The following PIGO variants were observed in gnomAD, a reference collection of about 807,000 sequenced individuals.
PIGO encodes GPI ethanolamine phosphate transferase 3, catalytic subunit.
Under a neutral mutation model 86.9 loss-of-function variants are expected in PIGO, and 66 were observed. The observed-to-expected ratio is 0.76, with a 90% confidence interval of 0.62 to 0.93. The LOEUF is 0.93. Among genes scored for constraint, PIGO ranks in the 40% least tolerant of loss-of-function variants. The probability of loss-of-function intolerance (pLI) is 0.00; values close to 1 mark genes in which losing one functional copy is unlikely to be tolerated. For synonymous variants in PIGO, 570 were observed against 556.4 expected, an observed-to-expected ratio of 1.02 and a Z score of -0.34; for missense variants, 1,202 against 1,359.1, an observed-to-expected ratio of 0.88 and a Z score of 1.82.
intron 6 of PIGO, 62 bp downstream of exon 6, chr9:35,092,968 C>T: frequency 6.5e-7 from 1 of 1,537,056 alleles, no homozygotes; most frequent in Non-Finnish European, 8.8e-7. Context: ...AAGAGTGGTT[C>T]ATTATGCTTC....
Position 35,090,592 on chromosome 9 carries a change from G to A in PIGO, c.2728C>T (p.Pro910Ser). Residue 910 changes from proline (P) to serine (S), a missense_variant, in exon 8 of 11, where the codon CCT becomes TCT. Physicochemically the swap from Pro to Ser is moderately conservative, Grantham distance 74. Coordinates refer to ENST00000378617, the MANE Select transcript of PIGO (RefSeq NM_032634.4). ...TQTFYSTGHQ[P>S]VFPAIHWHAA... ...TGCCAATGGATGGCTGGAAAGACAG[G>A]CTGGTGGCCTGTGGAGTAGAAGGTC... 6.2e-7 allele frequency: 1 copy of A among 1,614,224 alleles called. No homozygotes were observed. Among genetic ancestry groups the A allele is most frequent in the Non-Finnish European group, 8.5e-7 (1 of 1,180,048 alleles).
Position 35,091,762 on chromosome 9 carries a change from G to A in PIGO, c.2125C>T (p.Pro709Ser), listed in dbSNP as rs1175099393. 1 of 1,611,940 alleles carries A rather than the reference G, an allele frequency of 6.2e-7. No homozygotes were observed. Among genetic ancestry groups the A allele is most frequent in the Non-Finnish European group, 8.5e-7 (1 of 1,180,022 alleles). The change falls in exon 7 of 11, where the codon CCC becomes TCC. Residue 709 changes from proline (P) to serine (S), a missense_variant. Coordinates refer to ENST00000378617, the MANE Select transcript of PIGO (RefSeq NM_032634.4). ...PPMLFVRWGLPLMALGTAAYW... is the reference protein window; with the variant it reads ...PPMLFVRWGLSLMALGTAAYW... ...GCAGCAGTACCCAATGCCATTAGGG[G>A]CAGTCCCCAGCGCACAAAGAGCATG...
At position 35,088,920 on chromosome 9, in the gene PIGO, A is replaced by T. The variant is rs1024512842; in HGVS notation, c.*172T>A. 8 of 897,708 alleles carry T rather than the reference A, an allele frequency of 8.9e-6. No homozygotes were observed. Among genetic ancestry groups the T allele is most frequent in the Non-Finnish European group, 1.3e-5 (8 of 594,536 alleles). The allele number at this position is 897,708 out of a possible 1,614,324, so 55.6% of individuals were successfully genotyped here. On this transcript the variant is annotated 3_prime_UTR_variant, in exon 11 of 11. Transcript: ENST00000378617. The stretch of plus-strand genomic sequence containing the variant: ...AATCAGGAGTTAGGGATCATACTCC[A>T]CTGTGGTCCTGAATTATAGAATAAT...
At position 35,088,966 on chromosome 9, in the gene PIGO, C is replaced by A. The variant is rs1385781255; in HGVS notation, c.*126G>T. ...ATAATGAAGTCCTAGATGTCAGCGG[C>A]CCCTGGCTGCATGATAGTAAGAGTA... On this transcript the variant is annotated 3_prime_UTR_variant, in exon 11 of 11. Transcript: ENST00000378617. 3 of 1,317,532 alleles carry A rather than the reference C, an allele frequency of 2.3e-6. No individual in the cohort carries two copies. The East Asian group carries it at 7.0e-5, about 31-fold the overall frequency. 81.6% of individuals were successfully genotyped at this position (1,317,532 alleles called of 1,614,324 possible). A position where few individuals can be genotyped will look rare whatever the true frequency, so the allele number is the denominator to read the frequency against.
rs1829627973 is a variant in PIGO at position 35,095,437 on chromosome 9, C to G, written c.129G>C (p.Glu43Asp). The G allele has an allele frequency of 1.9e-6, 3 of 1,614,032 alleles. No homozygotes were observed. The highest frequency in any genetic ancestry group is 2.2e-5 in the South Asian group (2 of 91,082). Residue 43 changes from glutamate (E) to aspartate (D), a missense_variant, in exon 2 of 11, where the codon GAG becomes GAC. Physicochemically the swap from Glu to Asp is conservative, Grantham distance 45. Coordinates refer to ENST00000378617, the MANE Select transcript of PIGO (RefSeq NM_032634.4). ...ATGGCAGGGACCCAGGGCCTGGGGG[C>G]TCTTGGCAGCTGCTATGGTTGGTGA... ...LELTNHSSCQ[E>D]PPGPGSLPWG...
rs757240040 is a variant in PIGO, at chr9:35,090,088, T to C, written c.3047A>G (p.Tyr1016Cys). The C allele has an allele frequency of 6.2e-7, 1 of 1,613,946 alleles. No homozygotes were observed. Among genetic ancestry groups the C allele is most frequent in the African/African-American group, 1.3e-5 (1 of 75,012 alleles). The change falls in exon 9 of 11, where the codon TAC becomes TGC. Residue 1016 changes from tyrosine to cysteine, a missense_variant. Coordinates refer to ENST00000378617, the MANE Select transcript of PIGO (RefSeq NM_032634.4). ...YAALLQLGLK[Y>C]LFILGIQILA... ...CACCTGAATACCAAGGATAAAGAGG[T>C]ACTTGAGGCCCAGCTGCAGCAGTGC...
chr9:35,089,794 A>C (rs1829330428), intron 9 of PIGO: 1 of 1,394,144 alleles, frequency 7.2e-7, no homozygotes, highest in African/African-American at 1.4e-5. Context: ...CTATCACCTC[A>C]GTTTTTCCAG....
In PIGO at chr9:35,091,807, G is replaced by A; in HGVS notation, c.2080C>T (p.Leu694Phe). The change falls in exon 7 of 11, where the codon CTC becomes TTC. Residue 694 changes from leucine to phenylalanine, a missense_variant. Coordinates refer to ENST00000378617, the MANE Select transcript of PIGO (RefSeq NM_032634.4). ...AGCATGGGTGGCTCGGGGCTCTTGA[G>A]ATTACCATAGCGGCGAAGCCACAAG... ...VRLWLRRYGN[L>F]KSPEPPMLFV... The A allele has an allele frequency of 6.2e-7, 1 of 1,613,494 alleles. No individual in the cohort carries two copies. The highest frequency in any genetic ancestry group is 8.5e-7 in the Non-Finnish European group (1 of 1,180,026).
chr9:35,089,866 G>T, intron 9 of PIGO, 200 bp downstream of exon 9: 1 of 1,420,876 alleles, frequency 7.0e-7, no homozygotes, highest in Non-Finnish European at 9.2e-7. Context: ...AGGTTGTAGA[G>T]GGGAAATGAT....
In PIGO at chr9:35,092,100, G is replaced by A. The variant is rs865860019; in HGVS notation, c.1787C>T (p.Pro596Leu). 1 of 1,614,260 alleles carries A rather than the reference G, an allele frequency of 6.2e-7. No homozygotes were observed. Among genetic ancestry groups the A allele is most frequent in the Non-Finnish European group, 8.5e-7 (1 of 1,180,050 alleles). ...GCGGGGCATTGTGAGTAGCTTAGGT[G>A]GAAGCAGCTGGCCCTCCCAGTGAAG... ...VQLHWEGQLL[P>L]PKLLTMPRLG... The change falls in exon 7 of 11, where the codon CCA (proline) becomes CTA (leucine). Residue 596 changes from proline to leucine, a missense_variant. By Grantham distance (98) the Pro-to-Leu change is moderately conservative. Coordinates refer to ENST00000378617, the MANE Select transcript of PIGO (RefSeq NM_032634.4).
intron 7 of PIGO, 95 bp downstream of exon 7, chr9:35,091,145 G>C: frequency 2.9e-6 from 4 of 1,374,896 alleles, no homozygotes; most frequent in Non-Finnish European, 3.9e-6. Flanking sequence ...CCTCTGTCAA[G>C]CTCAGGAACA....
chr9:35,090,589 C>A lies in PIGO; in HGVS notation c.2731G>T (p.Val911Phe), dbSNP rs779624264. 1 of 1,614,234 alleles carries A rather than the reference C, an allele frequency of 6.2e-7. No homozygotes were observed. The highest frequency in any genetic ancestry group is 1.1e-5 in the South Asian group (1 of 91,086). The change falls in exon 8 of 11, where the codon GTC (valine) becomes TTC (phenylalanine). Residue 911 changes from valine to phenylalanine, a missense_variant. Transcript: ENST00000378617. ...GCATGCCAATGGATGGCTGGAAAGA[C>A]AGGCTGGTGGCCTGTGGAGTAGAAG... ...QTFYSTGHQP[V>F]FPAIHWHAAF... is the part of the protein sequence containing the mutation.
chr9:35,092,230 G>A lies in PIGO; in HGVS notation c.1657C>T (p.Leu553=), dbSNP rs1794940212. ...FPIPGPVLLL[L]LFRLAVFFSD... ...AAGAACACAGCCAAGCGAAACAGCAGGAGTAACAGGACGGGCCCAGGGATG... is the reference window on the plus strand; with the variant it reads ...AAGAACACAGCCAAGCGAAACAGCAAGAGTAACAGGACGGGCCCAGGGATG... The change falls in exon 7 of 11, where the codon CTG becomes TTG. Residue 553 remains leucine, a synonymous_variant. Transcript: ENST00000378617. 1 of 1,614,238 alleles carries A rather than the reference G, an allele frequency of 6.2e-7. No homozygotes were observed. Among genetic ancestry groups the A allele is most frequent in the Non-Finnish European group, 8.5e-7 (1 of 1,180,044 alleles).
intron 1 of PIGO, chr9:35,095,850 C>T (rs1185295458): frequency 2.2e-5 from 6 of 270,466 alleles, no homozygotes; most frequent in Admixed American, 4.9e-5. Context: ...CCCGTCCCTA[C>T]TAAAAATACA....
chr9:35,095,630 C>A, intron 1 of PIGO, 64 bp from the exon 2 acceptor site: 1 of 1,431,008 alleles, frequency 7.0e-7, no homozygotes, highest in South Asian at 1.5e-5. Context: ...ATTCTGGTCC[C>A]TGAATACAAG....
At position 35,090,604 on chromosome 9, in the gene PIGO, T is replaced by C. The variant is rs747779919; in HGVS notation, c.2716A>G (p.Thr906Ala). The change falls in exon 8 of 11, where the codon ACA (threonine) becomes GCA (alanine). Residue 906 changes from threonine (T) to alanine (A), a missense_variant. Physicochemically the swap from Thr to Ala is moderately conservative, Grantham distance 58. Transcript: ENST00000378617. ...ALMATQTFYS[T>A]GHQPVFPAIH... ...GCTGGAAAGACAGGCTGGTGGCCTG[T>C]GGAGTAGAAGGTCTGTGTGGCCATG... 3 of 1,613,948 alleles carry C rather than the reference T, an allele frequency of 1.9e-6. No individual in the cohort carries two copies. The highest frequency in any genetic ancestry group is 1.1e-5 in the South Asian group (1 of 91,088).
intron 9 of PIGO, 164 bp downstream of exon 9, chr9:35,089,902 G>C (rs1829334529): frequency 7.0e-7 from 1 of 1,431,722 alleles, no homozygotes. Context: ...AGGAGACCCA[G>C]GTTCAAGTCT....
At chr9:35,091,138 C>T in intron 7 of PIGO, 102 bp downstream of exon 7, 1 of 1,335,034 alleles carries the variant, frequency 7.5e-7, no homozygotes, top group Non-Finnish European at 1.0e-6. Flanking sequence ...ATGGGACCCT[C>T]TGTCAAGCTC....
intron 3 of PIGO, 93 bp from the exon 4 acceptor site, chr9:35,094,117 C>G: frequency 1.0e-5 from 16 of 1,566,040 alleles, no homozygotes; most frequent in African/African-American, 1.4e-5. Context: ...GGGATACAAG[C>G]CCAGGCTGTT....
Sources: gnomAD v4.1 joint callset for allele counts on GRCh38, gnomAD v4.1.1 for gene constraint, MANE v1.5 for transcripts, NCBI Gene and HGNC (gene_info 2026-07-23, HGNC 2026-07-21) for gene names.